The following OSBPL1A variants were observed in gnomAD, a reference collection of about 807,000 sequenced individuals.
The protein encoded by OSBPL1A is oxysterol binding protein like 1A, also known as oxysterol-binding protein-related protein 1.
OSBPL1A carries 80 observed loss-of-function variants against 137.1 expected under a neutral mutation model. The observed-to-expected ratio is 0.58, with a 90% CI of 0.49 to 0.70. The LOEUF (loss-of-function observed/expected upper bound fraction) is 0.70. OSBPL1A is among the 30% of genes least tolerant of loss of function. OSBPL1A has a pLI of 0.00. For synonymous variants in OSBPL1A, 365 were observed against 389.7 expected, an observed-to-expected ratio of 0.94 and a Z score of 0.75; for missense variants, 970 against 1,129.4, an observed-to-expected ratio of 0.86 and a Z score of 2.02.
intron 18 of OSBPL1A, 109 bp from the exon 19 acceptor site, chr18:24,181,388 C>T: frequency 1.7e-6 from 2 of 1,210,460 alleles, no homozygotes. Flanking sequence ...AAACTAGCAA[C>T]CCATGAAATT....
chr18:24,268,214 C>T (rs1158822724), intron 15 of OSBPL1A, among the ~76,000 whole-genome samples: 1 of 152,138 alleles, frequency 6.6e-6, no homozygotes, highest in Non-Finnish European at 1.5e-5. Context: ...TTCCCAGGCC[C>T]AAGTGATCCT....
chr18:24,249,328 T>C (rs971894138), intron 15 of OSBPL1A, among the ~76,000 whole-genome samples: 1 of 152,226 alleles, frequency 6.6e-6, no homozygotes, highest in Non-Finnish European at 1.5e-5. Context: ...TGTATCATCA[T>C]GTAAATTAAA....
chr18:24,369,542 C>G lies in OSBPL1A; in HGVS notation c.122-1170G>C, dbSNP rs192301876. Among the ~76,000 whole-genome samples the G allele has an allele frequency of 9.3e-4, 142 of 152,158 alleles. 1 individual carries two copies. Among genetic ancestry groups the G allele is most frequent in the African/African-American group, 3.1e-3 (128 of 41,500 alleles). ...TTCACAGCTACTGTAGATAGCAGTA[C>G]CTCACTTACATGATACACTGCCCTC... is the stretch of plus-strand genomic sequence containing the variant. On this transcript the variant is annotated intron_variant, in intron 2 of 27. Transcript: ENST00000319481.
At chr18:24,235,381 G>A (rs1315742459) in intron 16 of OSBPL1A, among the ~76,000 whole-genome samples, 3 of 150,776 alleles carry the variant, frequency 2.0e-5, no homozygotes, top group African/African-American at 7.3e-5. Context: ...GAAGAAATGA[G>A]GCAGAGGAAA....
At chr18:24,354,748 C>CAAAAAAG (rs2091501863) in intron 4 of OSBPL1A, among the ~76,000 whole-genome samples, 1 of 77,074 alleles carries the variant, frequency 1.3e-5, no homozygotes, top group African/African-American at 4.5e-5. Flanking sequence ...CTCAATATAG[C>CAAAAAAG]AAAAAAAAAA....
At chr18:24,170,074 T>C (rs1417503577) in intron 24 of OSBPL1A, among the ~76,000 whole-genome samples, 3 of 152,214 alleles carry the variant, frequency 2.0e-5, no homozygotes, top group Admixed American at 6.5e-5. Flanking sequence ...TCCAAAGCTA[T>C]GTGAATTAAA....
Position 24,166,430 on chromosome 18 carries a change from A to T in OSBPL1A, c.2659+149T>A, listed in dbSNP as rs1599419551. On this transcript the variant is annotated intron_variant, in intron 26 of 27. Coordinates refer to ENST00000319481, the MANE Select transcript of OSBPL1A (RefSeq NM_080597.4). ...TCCAAATTTAAAATAAAAGTTACTG[A>T]ATTTAAATTGAATGTTAACTCAAAC... 1.2e-5 allele frequency: 12 copies of T among 1,014,312 alleles called. No homozygotes were observed. In the East Asian group the frequency reaches 3.3e-4, roughly 28 times the overall value. 62.8% of individuals were successfully genotyped at this position (1,014,312 alleles called of 1,614,324 possible). A position where few individuals can be genotyped will look rare whatever the true frequency, so the allele number is the denominator to read the frequency against.
chr18:24,169,963 G>C (rs2086235996), intron 24 of OSBPL1A, among the ~76,000 whole-genome samples: 1 of 152,246 alleles, frequency 6.6e-6, no homozygotes, highest in Non-Finnish European at 1.5e-5. Flanking sequence ...GAAAATGTCA[G>C]AGAGACTTTT....
intron 17 of OSBPL1A, among the ~76,000 whole-genome samples, chr18:24,203,222 C>G (rs2087269640): frequency 6.6e-6 from 1 of 152,142 alleles, no homozygotes; most frequent in Non-Finnish European, 1.5e-5. Context: ...GGTGATCCAC[C>G]CTCCGTGGCC....
At chr18:24,179,995 T>G (rs1485158627) in intron 19 of OSBPL1A, among the ~76,000 whole-genome samples, 160 bp from the exon 20 acceptor site, 2 of 152,250 alleles carry the variant, frequency 1.3e-5, no homozygotes, top group East Asian at 1.9e-4. Flanking sequence ...ACATGGAAAC[T>G]TGGATATTCA....
chr18:24,222,421 T>C (rs2087922278), intron 17 of OSBPL1A, among the ~76,000 whole-genome samples: 1 of 152,112 alleles, frequency 6.6e-6, no homozygotes, highest in African/African-American at 2.4e-5. Flanking sequence ...ATATAATAAG[T>C]TGGGTAATAT....
At position 24,271,582 on chromosome 18, in the gene OSBPL1A, T is replaced by G. The variant is rs903201668; in HGVS notation, c.1281+9260A>C. The stretch of plus-strand genomic sequence containing the variant: ...CCCGGCGTCCTCCGTGGCCCCAGGC[T>G]GCCCCGCAAAGCCACCGAGCTGCAA... On this transcript the variant is annotated intron_variant, in intron 15 of 27. Transcript: ENST00000319481. This position sits in a 1 kb window ranked among gnomAD's most constrained non-coding sequence, Gnocchi z 4.0. 11 of 986,920 alleles carry G rather than the reference T, an allele frequency of 1.1e-5. No individual in the cohort carries two copies. Among genetic ancestry groups the G allele is most frequent in the Non-Finnish European group, 1.3e-5 (11 of 831,312 alleles). 61.1% of individuals were successfully genotyped at this position (986,920 alleles called of 1,614,324 possible).
intron 17 of OSBPL1A, among the ~76,000 whole-genome samples, chr18:24,211,582 T>G (rs966786980): frequency 2.6e-5 from 4 of 152,050 alleles, no homozygotes; most frequent in Non-Finnish European, 4.4e-5. Flanking sequence ...AAATCTCTAC[T>G]TTCTAGAACC....
chr18:24,295,323 T>C (rs753736364), intron 14 of OSBPL1A, among the ~76,000 whole-genome samples: 40 of 152,228 alleles, frequency 2.6e-4, no homozygotes, highest in Non-Finnish European at 4.0e-4. Flanking sequence ...TAGTCCTTTG[T>C]TGGATGCATA....
chr18:24,321,221 A>C (rs2090847964), intron 7 of OSBPL1A, among the ~76,000 whole-genome samples: 1 of 152,042 alleles, frequency 6.6e-6, no homozygotes, highest in African/African-American at 2.4e-5. Context: ...CACAAATTCA[A>C]TGGTTTTTAT....
Position 24,230,908 on chromosome 18 carries a change from A to C in OSBPL1A, c.1445-5710T>G, listed in dbSNP as rs1011401713. 2.0e-5 allele frequency among the ~76,000 whole-genome samples: 3 copies of C among 152,184 alleles called. No homozygotes were observed. The East Asian group carries it at 5.8e-4, about 29-fold the overall frequency. On this transcript the variant is annotated intron_variant, in intron 16 of 27. Transcript: ENST00000319481. ...CTTATTTGTGGGTGTGTTTACTCCCATCTAGTTCCAAAAGGATTCAGGTGA... is the reference window on the plus strand; with the variant it reads ...CTTATTTGTGGGTGTGTTTACTCCCCTCTAGTTCCAAAAGGATTCAGGTGA...
At chr18:24,285,770 G>T (rs114193934) in intron 14 of OSBPL1A, among the ~76,000 whole-genome samples, 11 of 152,218 alleles carry the variant, frequency 7.2e-5, no homozygotes, top group African/African-American at 2.6e-4. Context: ...AAAATGGGAT[G>T]ATTTATCTTT....
intron 15 of OSBPL1A, among the ~76,000 whole-genome samples, chr18:24,263,729 G>C (rs1039862179): frequency 6.2e-4 from 94 of 152,024 alleles, no homozygotes; most frequent in Non-Finnish European, 4.0e-4. Context: ...TCCACCTCCC[G>C]GGTTCAAGTG....
chr18:24,375,307 C>T (rs1362069969), intron 2 of OSBPL1A, among the ~76,000 whole-genome samples: 3 of 123,770 alleles, frequency 2.4e-5, no homozygotes, highest in African/African-American at 7.2e-5. Context: ...AGAACAAAAC[C>T]CTGTCTCAAA....
Sources: allele counts gnomAD v4.1 joint callset (sites outside exome capture counted in the v4.1 genomes callset), GRCh38; gene constraint gnomAD v4.1.1; non-coding constraint Gnocchi (gnomAD v3.1); transcripts MANE v1.5; gene names NCBI Gene and HGNC (gene_info 2026-07-23, HGNC 2026-07-21).